The following ZNF749 variants were observed in gnomAD, a reference collection of about 807,000 sequenced individuals.
The protein encoded by ZNF749 is zinc finger protein 749.
In ZNF749, 8 loss-of-function variants were observed where a neutral mutation model predicts 7.3. That is an observed-to-expected ratio of 1.10 (90% CI 0.64 to 1.98). The LOEUF (loss-of-function observed/expected upper bound fraction) is 1.98. ZNF749 is among the 30% of genes most tolerant of loss of function. ZNF749 has a pLI of 0.00. For synonymous variants in ZNF749, 310 were observed against 322.4 expected (o/e 0.96, Z 0.41); for missense variants, 898 against 932.4 (o/e 0.96, Z 0.48).
intron 1 of ZNF749, among the ~76,000 whole-genome samples, chr19:57,440,899 A>G (rs965255144): frequency 6.6e-6 from 1 of 152,078 alleles, no homozygotes; most frequent in African/African-American, 2.4e-5. Flanking sequence ...AGACCAAGGC[A>G]GGTGGATCAC....
rs1205061880 is a variant in ZNF749, at chr19:57,444,106, C to T, written c.958C>T (p.His320Tyr). ...QAHLVGHQKT[H>Y]TGEQPYECNK... Reference sequence around the variant, plus strand: ...TCATCTGGTTGGTCACCAGAAAACCCATACTGGAGAACAGCCCTATGAATG... The same window carrying T: ...TCATCTGGTTGGTCACCAGAAAACCTATACTGGAGAACAGCCCTATGAATG... The change falls in exon 3 of 3, where the codon CAT (histidine) becomes TAT (tyrosine). Residue 320 changes from histidine to tyrosine, a missense_variant. Physicochemically the swap from His to Tyr is moderately conservative, Grantham distance 83. Coordinates refer to ENST00000334181, the MANE Select transcript of ZNF749 (RefSeq NM_001023561.4). 9.9e-6 allele frequency: 16 copies of T among 1,613,908 alleles called. No individual in the cohort carries two copies. Among genetic ancestry groups the T allele is most frequent in the Non-Finnish European group, 1.3e-5 (15 of 1,179,980 alleles).
chr19:57,443,210 G>A, intron 2 of ZNF749, 81 bp from the exon 3 acceptor site: 1 of 1,221,430 alleles, frequency 8.2e-7, no homozygotes, highest in Non-Finnish European at 1.2e-6. Context: ...ATTTGTGGGT[G>A]TGTCTCACAG....
rs1207749860 is a variant in ZNF749, at chr19:57,445,277, G to A, written c.2129G>A (p.Ser710Asn). The change falls in exon 3 of 3, where the codon AGC becomes AAC. Residue 710 changes from serine (S) to asparagine (N), a missense_variant. By Grantham distance (46) the Ser-to-Asn change is conservative. Transcript: ENST00000334181. ...KCRELFRTKS[S>N]LIIHQQSHTG... ...AGGGAATTGTTTAGGACTAAATCGA[G>A]CCTTATTATACATCAGCAGTCTCAC... is the stretch of plus-strand genomic sequence containing the variant. The A allele has an allele frequency of 1.2e-6, 2 of 1,613,858 alleles. No individual in the cohort carries two copies. Among genetic ancestry groups the A allele is most frequent in the East Asian group, 2.2e-5 (1 of 44,842 alleles).
rs2089069537 is a variant in ZNF749 at position 57,446,724 on chromosome 19, A to ACCTGAAGGG, written c.*1241_*1249dup. On this transcript the variant is annotated 3_prime_UTR_variant, in exon 3 of 3. Coordinates refer to ENST00000334181, the MANE Select transcript of ZNF749 (RefSeq NM_001023561.4). ...GTGAACAAAGAGTGTACTTACACAA[A>ACCTGAAGGG]CCTGAAGGGCACAGCCTATTACGCA... is the stretch of plus-strand genomic sequence containing the variant. 6.6e-6 allele frequency among the ~76,000 whole-genome samples: 1 copy of ACCTGAAGGG among 152,160 alleles called. No homozygotes were observed. Among genetic ancestry groups the ACCTGAAGGG allele is most frequent in the African/African-American group, 2.4e-5 (1 of 41,434 alleles).
Position 57,444,517 on chromosome 19 carries a change from C to T in ZNF749, c.1369C>T (p.Gln457Ter). 6.2e-7 allele frequency: 1 copy of T among 1,608,596 alleles called. No individual in the cohort carries two copies. The highest frequency in any genetic ancestry group is 8.5e-7 in the Non-Finnish European group (1 of 1,178,196). ...TAGAAAGTCCCACCTAGTTCAGCAC[C>T]AGAAAATCCACACTGATGCATTTTC... ...FVRKSHLVQH[Q>*]KIHTDAFSKR... Residue 457 changes from glutamine to a stop codon, truncating the protein, a stop_gained, in exon 3 of 3, where the codon CAG becomes TAG. Transcript: ENST00000334181. LOFTEE classifies it low-confidence loss of function (END_TRUNC).
Position 57,436,765 on chromosome 19 carries a change from A to C in ZNF749, c.15+1172A>C, listed in dbSNP as rs1430940041. Among the ~76,000 whole-genome samples, 1 of 152,244 alleles carries C rather than the reference A, an allele frequency of 6.6e-6. No individual in the cohort carries two copies. The highest frequency in any genetic ancestry group is 2.4e-5 in the African/African-American group (1 of 41,466). ...GGCTGACCTGTTTGCTGAACGGACC[A>C]GTAACTGATTGACTGCTCAGCCCCA... On this transcript the variant is annotated intron_variant, in intron 1 of 2. Coordinates refer to ENST00000334181, the MANE Select transcript of ZNF749 (RefSeq NM_001023561.4). The surrounding 1 kb of genome is among the most constrained non-coding windows in gnomAD (Gnocchi z 4.0).
chr19:57,443,983 C>G lies in ZNF749; in HGVS notation c.835C>G (p.Leu279Val), dbSNP rs2089024856. 1 of 1,613,684 alleles carries G rather than the reference C, an allele frequency of 6.2e-7. No individual in the cohort carries two copies. Among genetic ancestry groups the G allele is most frequent in the South Asian group, 1.1e-5 (1 of 91,066 alleles). ...QHQKIHSEGF[L>V]SKRSDPIEHQ... The stretch of plus-strand genomic sequence containing the variant: ...CCAGAAAATTCACAGTGAAGGCTTT[C>G]TTTCAAAAAGGTCTGACCCCATTGA... Residue 279 changes from leucine to valine, a missense_variant, in exon 3 of 3, where the codon CTT becomes GTT. Physicochemically the swap from Leu to Val is conservative, Grantham distance 32. Coordinates refer to ENST00000334181, the MANE Select transcript of ZNF749 (RefSeq NM_001023561.4).
rs1003601518 is a variant in ZNF749, at chr19:57,442,161, C to T, written c.142+150C>T. Reference sequence around the variant, plus strand: ...GGCAAATGTGATAAGGCAGCCAGAGCTGGGCTGTGTATACTGTACCACCTC... The same window carrying T: ...GGCAAATGTGATAAGGCAGCCAGAGTTGGGCTGTGTATACTGTACCACCTC... On this transcript the variant is annotated intron_variant, in intron 2 of 2. Transcript: ENST00000334181. The surrounding 1 kb of genome is among the most constrained non-coding windows in gnomAD (Gnocchi z 6.6). The T allele has an allele frequency of 2.9e-6, 3 of 1,048,014 alleles. No individual in the cohort carries two copies. The highest frequency in any genetic ancestry group is 4.2e-6 in the Non-Finnish European group (3 of 722,192). The allele number at this position is 1,048,014 out of a possible 1,614,324, so 64.9% of individuals were successfully genotyped here. A position where few individuals can be genotyped will look rare whatever the true frequency, so the allele number is the denominator to read the frequency against.
In ZNF749 at chr19:57,444,414, A is replaced by G; in HGVS notation, c.1266A>G (p.Lys422=). ...AATGTGGGAAAGCCTTTAGCCTCAA[A>G]CATAATGTTGTTCAGCATCTGAAAA... The part of the protein sequence containing the change: ...CSECGKAFSL[K]HNVVQHLKIH... The change falls in exon 3 of 3, where the codon AAA becomes AAG. Residue 422 remains lysine, a synonymous_variant. Transcript: ENST00000334181. The G allele has an allele frequency of 1.2e-6, 2 of 1,613,998 alleles. No homozygotes were observed. Among genetic ancestry groups the G allele is most frequent in the Non-Finnish European group, 1.7e-6 (2 of 1,179,908 alleles).
Position 57,444,362 on chromosome 19 carries a change from C to A in ZNF749, c.1214C>A (p.Ala405Asp), listed in dbSNP as rs1568547358. 1.2e-6 allele frequency: 2 copies of A among 1,614,138 alleles called. No individual in the cohort carries two copies. The highest frequency in any genetic ancestry group is 8.5e-7 in the Non-Finnish European group (1 of 1,179,998). ...STLNMHQRVH[A>D]GKRLYKCSEC... ...CTCAATATGCACCAGAGAGTTCATG[C>A]TGGCAAAAGGCTTTATAAGTGTAGC... The change falls in exon 3 of 3, where the codon GCT becomes GAT. Residue 405 changes from alanine to aspartate, a missense_variant. Ala to Asp is a moderately radical substitution (Grantham distance 126). Transcript: ENST00000334181.
In ZNF749 at chr19:57,443,904, TG is replaced by T; in HGVS notation, c.757del (p.Glu253ArgfsTer15). 1 of 1,613,984 alleles carries T rather than the reference TG, an allele frequency of 6.2e-7. No homozygotes were observed. The highest frequency in any genetic ancestry group is 8.5e-7 in the Non-Finnish European group (1 of 1,179,896). On this transcript the variant is annotated frameshift_variant, in exon 3 of 3. Transcript: ENST00000334181. LOFTEE classifies it low-confidence loss of function (END_TRUNC). The stretch of plus-strand genomic sequence containing the variant: ...AAAATCATGCTGGAGAAAGGCCTTA[TG>T]AGGGCACTGAATATGGAAAGACCTT... ...QQNHAGERPY[E>X]GTEYGKTFIR...
rs1461027767 is a variant in ZNF749 at position 57,441,754 on chromosome 19, G to A, written c.16-131G>A. The stretch of plus-strand genomic sequence containing the variant: ...TGGTTCAGCATATGGGATCTGGATC[G>A]CAAGGGAAATGTAAAAACATTGGCT... On this transcript the variant is annotated intron_variant, in intron 1 of 2. Coordinates refer to ENST00000334181, the MANE Select transcript of ZNF749 (RefSeq NM_001023561.4). 5 of 1,104,260 alleles carry A rather than the reference G, an allele frequency of 4.5e-6. No homozygotes were observed. In the East Asian group the frequency reaches 7.1e-5, roughly 16 times the overall value. 68.4% of individuals were successfully genotyped at this position (1,104,260 alleles called of 1,614,324 possible).
Position 57,443,876 on chromosome 19 carries a change from A to G in ZNF749, c.728A>G (p.Gln243Arg), listed in dbSNP as rs12986235. ...TACAACTCCAACCTTATTAAATATCAGCAAAATCATGCTGGAGAAAGGCCT... is the reference window on the plus strand; with the variant it reads ...TACAACTCCAACCTTATTAAATATCGGCAAAATCATGCTGGAGAAAGGCCT... ...FRYNSNLIKY[Q>R]QNHAGERPYE... The change falls in exon 3 of 3, where the codon CAG becomes CGG. Residue 243 changes from glutamine (Q) to arginine (R), a missense_variant. Coordinates refer to ENST00000334181, the MANE Select transcript of ZNF749 (RefSeq NM_001023561.4). 393,538 of 1,613,808 alleles carry G rather than the reference A, an allele frequency of 0.24. 49,474 individuals carry two copies. Among genetic ancestry groups the G allele is most frequent in the Middle Eastern group, 0.29 (1,731 of 6,062 alleles).
In ZNF749 at chr19:57,435,598, G is replaced by C; in HGVS notation, c.15+5G>C. On this transcript the variant is annotated splice_donor_5th_base_variant and intron_variant, in intron 1 of 2. Transcript: ENST00000334181. ...GCGCCGATGAACCTGACCGAGGTGC[G>C]TGCAGCGTCCCAGGCCGCCCCGCCC... The C allele has an allele frequency of 1.2e-6, 2 of 1,605,828 alleles. No individual in the cohort carries two copies. The highest frequency in any genetic ancestry group is 8.5e-7 in the Non-Finnish European group (1 of 1,177,228).
At position 57,446,766 on chromosome 19, in the gene ZNF749, T is replaced by C. The variant is rs961181294; in HGVS notation, c.*1281T>C. ...TATTACGCACCTAGGCTATATGATA[T>C]GGTCCATTGCGCCTCAGATATAAAC... On this transcript the variant is annotated 3_prime_UTR_variant, in exon 3 of 3. Coordinates refer to ENST00000334181, the MANE Select transcript of ZNF749 (RefSeq NM_001023561.4). 6.6e-6 allele frequency among the ~76,000 whole-genome samples: 1 copy of C among 152,212 alleles called. No individual in the cohort carries two copies. The highest frequency in any genetic ancestry group is 2.1e-4 in the South Asian group (1 of 4,836).
upstream of ZNF749, among the ~76,000 whole-genome samples, chr19:57,432,432 C>T (rs1184363054): frequency 4.0e-5 from 6 of 151,028 alleles, no homozygotes; most frequent in African/African-American, 7.3e-5. Flanking sequence ...TGTGGTGGCA[C>T]GAGCCTGTAG....
At chr19:57,435,640 G>A in intron 1 of ZNF749, 47 bp downstream of exon 1, 1 of 1,591,370 alleles carries the variant, frequency 6.3e-7, no homozygotes, top group South Asian at 1.1e-5. Flanking sequence ...TCCTCCCAGT[G>A]CTGAAGTCCC....
Position 57,444,983 on chromosome 19 carries a change from AT to A in ZNF749, c.1836del (p.Tyr612Ter), listed in dbSNP as rs777834658. 1.9e-6 allele frequency: 3 copies of A among 1,614,222 alleles called. No individual in the cohort carries two copies. The highest frequency in any genetic ancestry group is 2.2e-5 in the South Asian group (2 of 91,082). ...AGAATTCACACTGGAGAAAAGCCTT[AT>A]AAATGCAGCAAATGTGGGAAATTCT... is the stretch of plus-strand genomic sequence containing the variant. ...HQRIHTGEKP[Y>X]KCSKCGKFFR... is the part of the protein sequence containing the mutation. On this transcript the variant is annotated frameshift_variant, in exon 3 of 3. Coordinates refer to ENST00000334181, the MANE Select transcript of ZNF749 (RefSeq NM_001023561.4). LOFTEE classifies it low-confidence loss of function (END_TRUNC).
In ZNF749 at chr19:57,442,087, T is replaced by C. The variant is rs2088997200; in HGVS notation, c.142+76T>C. 1 of 1,563,490 alleles carries C rather than the reference T, an allele frequency of 6.4e-7. No homozygotes were observed. The highest frequency in any genetic ancestry group is 1.4e-5 in the African/African-American group (1 of 73,152). On this transcript the variant is annotated intron_variant, in intron 2 of 2. Transcript: ENST00000334181. This position sits in a 1 kb window ranked among gnomAD's most constrained non-coding sequence, Gnocchi z 6.6. ...GCTCTTTTCCATGACAACTCTGTCT[T>C]TCCCACACCAGATTGTGAGTGCTAC...
Sources: allele counts gnomAD v4.1 joint callset (sites outside exome capture counted in the v4.1 genomes callset), GRCh38; gene constraint gnomAD v4.1.1; non-coding constraint Gnocchi (gnomAD v3.1); transcripts MANE v1.5; gene names NCBI Gene and HGNC (gene_info 2026-07-23, HGNC 2026-07-21).